The following NBAS variants were observed in gnomAD, a reference collection of about 807,000 sequenced individuals.
NBAS encodes NBAS subunit of NRZ tethering complex.
In NBAS, 219 loss-of-function variants were observed where a neutral mutation model predicts 302.5. That is an observed-to-expected ratio of 0.72 (90% CI 0.65 to 0.81). The LOEUF (loss-of-function observed/expected upper bound fraction) is 0.81, where lower values mean the gene tolerates loss of function less well. Ranked by LOEUF, NBAS falls within the 30% of genes least tolerant of loss-of-function variation. The pLI, the probability that NBAS is intolerant of heterozygous loss-of-function variation, is 0.00. For synonymous variants in NBAS, 1,118 were observed against 1,021.6 expected, an observed-to-expected ratio of 1.09 and a Z score of -1.80; for missense variants, 2,932 against 2,841.6, an observed-to-expected ratio of 1.03 and a Z score of -0.72.
At chr2:15,122,268 C>G in the NBAS span, among the ~76,000 whole-genome samples, 1 of 151,950 alleles carries the variant, frequency 6.6e-6, no homozygotes, top group Non-Finnish European at 1.5e-5. Flanking sequence ...GATTGGCTCA[C>G]GATTCTGCAG....
At chr2:15,002,580 C>G in the NBAS span, among the ~76,000 whole-genome samples, 1 of 152,180 alleles carries the variant, frequency 6.6e-6, no homozygotes, top group African/African-American at 2.4e-5. Flanking sequence ...TGCTGTGGAG[C>G]AGGGGGTGGC....
Position 15,379,680 on chromosome 2 carries a change from A to G in NBAS, c.3512T>C (p.Ile1171Thr), listed in dbSNP as rs772382040. 1.9e-6 allele frequency: 3 copies of G among 1,613,904 alleles called. No homozygotes were observed. The highest frequency in any genetic ancestry group is 2.5e-6 in the Non-Finnish European group (3 of 1,180,000). The change falls in exon 30 of 52, where the codon ATT (isoleucine) becomes ACT (threonine). Residue 1171 changes from isoleucine to threonine, a missense_variant. Coordinates refer to ENST00000281513, the MANE Select transcript of NBAS (RefSeq NM_015909.4). ...TCTGCTGGCAGCCAAAACCAAGTCA[A>G]TACTCTTTTCGTAGCTGACCCTGTA... is the stretch of plus-strand genomic sequence containing the variant. The part of the protein sequence containing the change: ...PHYRVSYEKS[I>T]DLVLAASREY...
chr2:15,221,206 T>A (rs1464576639), intron 47 of NBAS, among the ~76,000 whole-genome samples: 1 of 152,148 alleles, frequency 6.6e-6, no homozygotes, highest in Non-Finnish European at 1.5e-5. Flanking sequence ...TTAAAAAAAA[T>A]CTGATGGACC....
the NBAS span, among the ~76,000 whole-genome samples, chr2:14,827,052 A>C: frequency 2.9e-3 from 440 of 152,358 alleles, 7 homozygotes; most frequent in African/African-American, 0.01. Context: ...TTAATGAGAA[A>C]AGACCAGAGG....
At chr2:15,448,895 T>C (rs1204197510) in intron 21 of NBAS, among the ~76,000 whole-genome samples, 2 of 152,178 alleles carry the variant, frequency 1.3e-5, no homozygotes, top group African/African-American at 2.4e-5. Context: ...TAATGAAATG[T>C]AGGACCAAAA....
At chr2:15,378,296 G>A (rs534763527) in intron 30 of NBAS, among the ~76,000 whole-genome samples, 1 of 152,152 alleles carries the variant, frequency 6.6e-6, no homozygotes, top group Admixed American at 6.5e-5. Context: ...CTCAGACAAA[G>A]AGAAACAAAA....
downstream of NBAS, among the ~76,000 whole-genome samples, chr2:15,165,403 TC>T (rs1328682933): frequency 6.6e-6 from 1 of 152,174 alleles, no homozygotes; most frequent in Non-Finnish European, 1.5e-5. Context: ...ATTCCCAAAT[TC>T]TAGGTGCTAC....
the NBAS span, among the ~76,000 whole-genome samples, chr2:14,788,220 C>A: frequency 2.0e-5 from 3 of 152,136 alleles, no homozygotes; most frequent in African/African-American, 7.2e-5. Context: ...GTTATACATT[C>A]GTCTAAATTT....
At chr2:15,366,490 G>T in intron 32 of NBAS, 90 bp downstream of exon 32, 1 of 1,254,192 alleles carries the variant, frequency 8.0e-7, no homozygotes, top group Non-Finnish European at 1.2e-6. Context: ...TTCTTCTGAC[G>T]CTGTAAGCAC....
At chr2:14,813,221 A>G in the NBAS span, among the ~76,000 whole-genome samples, 1 of 152,210 alleles carries the variant, frequency 6.6e-6, no homozygotes, top group Non-Finnish European at 1.5e-5. Flanking sequence ...AGATACCTGA[A>G]AATGTGGAAG....
the NBAS span, among the ~76,000 whole-genome samples, chr2:15,067,032 A>G: frequency 2.0e-5 from 3 of 152,080 alleles, no homozygotes; most frequent in Non-Finnish European, 2.9e-5. Context: ...TTAAAAAGGC[A>G]GAAATCCTGG....
At chr2:15,556,936 TAAAG>T (rs1664674264) in intron 2 of NBAS, 117 bp from the exon 3 acceptor site, 1 of 801,252 alleles carries the variant, frequency 1.2e-6, no homozygotes, top group Admixed American at 2.3e-5. Flanking sequence ...TTAAAAAAAA[TAAAG>T]AACTCAAGTC....
intron 33 of NBAS, among the ~76,000 whole-genome samples, chr2:15,353,975 G>A (rs1354144023): frequency 6.6e-6 from 1 of 152,166 alleles, no homozygotes; most frequent in Non-Finnish European, 1.5e-5. Context: ...GACAATAAAT[G>A]CAAATGATCT....
At chr2:15,096,884 G>A in the NBAS span, among the ~76,000 whole-genome samples, 1 of 152,214 alleles carries the variant, frequency 6.6e-6, no homozygotes, top group Non-Finnish European at 1.5e-5. Context: ...GAGCAAAACA[G>A]GGAGAAAGTT....
At chr2:15,278,338 A>T (rs1220380089) in intron 42 of NBAS, among the ~76,000 whole-genome samples, 3 of 152,166 alleles carry the variant, frequency 2.0e-5, no homozygotes, top group African/African-American at 7.2e-5. Context: ...TCTATCTATA[A>T]ATATGTCCCC....
chr2:15,165,453 G>C (rs1663993291), downstream of NBAS, among the ~76,000 whole-genome samples: 1 of 152,216 alleles, frequency 6.6e-6, no homozygotes, highest in Non-Finnish European at 1.5e-5. Context: ...GTAGACAGTT[G>C]GTGGGAGGTC....
Position 15,441,381 on chromosome 2 carries a change from C to A in NBAS, c.2340-13587G>T, listed in dbSNP as rs868354018. Among the ~76,000 whole-genome samples, 583 of 152,154 alleles carry A rather than the reference C, an allele frequency of 3.8e-3. 3 individuals carry two copies. Among genetic ancestry groups the A allele is most frequent in the Middle Eastern group, 0.031 (9 of 294 alleles). On this transcript the variant is annotated intron_variant, in intron 21 of 51. Transcript: ENST00000281513. ...ATTCTTAAAGAAAAGAATTTTCAAA[C>A]CAGAATTTCATATCCAGCCAAACTA...
At chr2:15,105,651 C>T in the NBAS span, among the ~76,000 whole-genome samples, 1 of 151,948 alleles carries the variant, frequency 6.6e-6, no homozygotes, top group Non-Finnish European at 1.5e-5. Context: ...AATGCGTTTC[C>T]AATTTAAGTG....
the NBAS span, among the ~76,000 whole-genome samples, chr2:14,915,790 G>A: frequency 1.3e-5 from 2 of 152,130 alleles, no homozygotes; most frequent in African/African-American, 2.4e-5. Flanking sequence ...TCAAACTCCT[G>A]ACCTCATGAT....
Sources: gnomAD v4.1 joint callset for allele counts (sites outside exome capture counted in the v4.1 genomes callset) on GRCh38, gnomAD v4.1.1 for gene constraint, MANE v1.5 for transcripts, NCBI Gene and HGNC (gene_info 2026-07-23, HGNC 2026-07-21) for gene names.